Variants in NAALADL2 observed in about 807,000 individuals in gnomAD.
The protein encoded by NAALADL2 is inactive N-acetylated-alpha-linked acidic dipeptidase-like protein 2.
In NAALADL2, 76 loss-of-function variants were observed where a neutral mutation model predicts 87.2. The observed-to-expected ratio is 0.87, with a 90% CI of 0.72 to 1.05. The LOEUF (loss-of-function observed/expected upper bound fraction) is 1.05. Ranked by LOEUF, NAALADL2 falls within the 50% of genes least tolerant of loss-of-function variation. NAALADL2 has a pLI of 0.00. For missense variants in NAALADL2, 1,089 were observed against 945.8 expected (o/e 1.15, Z -1.99); for synonymous variants, 354 against 331.0 (o/e 1.07, Z -0.75).
At chr3:174,883,115 A>C (rs889765998) in intron 1 of NAALADL2, among the ~76,000 whole-genome samples, 1 of 152,016 alleles carries the variant, frequency 6.6e-6, no homozygotes, top group Admixed American at 6.6e-5. Context: ...AGACCAGTGT[A>C]TCTTTTCACA....
intron 2 of NAALADL2, among the ~76,000 whole-genome samples, chr3:174,566,428 G>A (rs1193889472): frequency 6.6e-6 from 1 of 151,720 alleles, no homozygotes; most frequent in Admixed American, 6.6e-5. Flanking sequence ...TTTCCTCTAA[G>A]CTGCTTTTCA....
At chr3:174,869,477 A>G (rs1727536329) in intron 1 of NAALADL2, among the ~76,000 whole-genome samples, 1 of 152,220 alleles carries the variant, frequency 6.6e-6, no homozygotes, top group Non-Finnish European at 1.5e-5. Context: ...TTTAAAGAGC[A>G]GAAATGCAGA....
chr3:174,745,704 C>A (rs972914136), intron 3 of NAALADL2, among the ~76,000 whole-genome samples: 2 of 152,118 alleles, frequency 1.3e-5, no homozygotes, highest in African/African-American at 4.8e-5. Flanking sequence ...AAAATATGAG[C>A]AAACCGAATC....
rs139924457 is a variant in NAALADL2, at chr3:174,796,871, T to G, written c.-9+59125T>G. ...GTTGTTTTTGAGTTGTTTGTATTCCTTGTAAATTCTGGATATTTTCTCCTA... is the reference window on the plus strand; with the variant it reads ...GTTGTTTTTGAGTTGTTTGTATTCCGTGTAAATTCTGGATATTTTCTCCTA... On this transcript the variant is annotated intron_variant, in intron 3 of 3. Transcript: ENST00000434257. Among the ~76,000 whole-genome samples, 393 of 152,076 alleles carry G rather than the reference T, an allele frequency of 2.6e-3. 2 individuals are homozygous for G. The highest frequency in any genetic ancestry group is 9.1e-3 in the African/African-American group (378 of 41,514).
chr3:174,904,184 A>G (rs761859582), intron 1 of NAALADL2, among the ~76,000 whole-genome samples: 6 of 151,800 alleles, frequency 4.0e-5, no homozygotes, highest in Non-Finnish European at 8.8e-5. Context: ...TAAGGGGCCA[A>G]TCTGTGTCTT....
At chr3:175,683,982 T>G (rs367929882) in intron 11 of NAALADL2, among the ~76,000 whole-genome samples, 19 of 152,166 alleles carry the variant, frequency 1.2e-4, no homozygotes, top group Admixed American at 7.9e-4. Flanking sequence ...GATGTAAGTT[T>G]ATTACTGTTT....
intron 4 of NAALADL2, among the ~76,000 whole-genome samples, chr3:175,318,420 C>T (rs977116456): frequency 6.6e-6 from 1 of 151,942 alleles, no homozygotes; most frequent in Non-Finnish European, 1.5e-5. Flanking sequence ...TCATGAATTA[C>T]TTTAGTAATA....
intron 2 of NAALADL2, 88 bp downstream of exon 2, chr3:175,097,379 T>C: frequency 8.2e-7 from 1 of 1,224,906 alleles, no homozygotes; most frequent in Non-Finnish European, 1.1e-6. Context: ...TTTTTCATGG[T>C]TCACGTCAGT....
At chr3:174,503,707 G>T (rs577613076) in intron 1 of NAALADL2, among the ~76,000 whole-genome samples, 1 of 151,986 alleles carries the variant, frequency 6.6e-6, no homozygotes, top group Non-Finnish European at 1.5e-5. Context: ...TAGAACAAAG[G>T]AAATGATCTG....
intron 3 of NAALADL2, among the ~76,000 whole-genome samples, chr3:174,842,586 G>A (rs1724149209): frequency 6.6e-6 from 1 of 152,182 alleles, no homozygotes; most frequent in Non-Finnish European, 1.5e-5. Flanking sequence ...CTAATTACAA[G>A]ATTGTATTTA....
At chr3:175,365,586 A>G (rs1400701217) in intron 5 of NAALADL2, among the ~76,000 whole-genome samples, 1 of 147,438 alleles carries the variant, frequency 6.8e-6, no homozygotes, top group Non-Finnish European at 1.5e-5. Flanking sequence ...TGATTCCACG[A>G]AGGCAAAATA....
chr3:175,426,782 C>T (rs971917040), intron 5 of NAALADL2, among the ~76,000 whole-genome samples: 1 of 152,098 alleles, frequency 6.6e-6, no homozygotes, highest in African/African-American at 2.4e-5. Context: ...ATCTCGTTTG[C>T]TATTTTAAAA....
chr3:174,958,297 A>G (rs1741447687), intron 1 of NAALADL2, among the ~76,000 whole-genome samples: 1 of 151,808 alleles, frequency 6.6e-6, no homozygotes, highest in Non-Finnish European at 1.5e-5. Context: ...GCATGCTTAG[A>G]CTATATTAGA....
At chr3:175,169,593 C>T (rs1734494506) in intron 2 of NAALADL2, among the ~76,000 whole-genome samples, 1 of 151,636 alleles carries the variant, frequency 6.6e-6, no homozygotes, top group South Asian at 2.1e-4. Flanking sequence ...GTGATATTCT[C>T]ATTTTGTAGT....
chr3:174,564,753 A>C (rs1254601822), intron 2 of NAALADL2, among the ~76,000 whole-genome samples: 2 of 152,016 alleles, frequency 1.3e-5, no homozygotes, highest in Non-Finnish European at 2.9e-5. Context: ...TTGTCCTTCT[A>C]ATCTCTAGTA....
chr3:174,863,005 G>A (rs967673123), intron 1 of NAALADL2, among the ~76,000 whole-genome samples: 10 of 152,054 alleles, frequency 6.6e-5, no homozygotes, highest in Non-Finnish European at 1.2e-4. Context: ...ACCAGCAGGA[G>A]ATAACTCTTC....
intron 5 of NAALADL2, among the ~76,000 whole-genome samples, chr3:175,398,344 C>CTTTT (rs776575751): frequency 0.015 from 1,634 of 111,876 alleles, 43 homozygotes; most frequent in African/African-American, 0.053. Flanking sequence ...GCTTCTGCTA[C>CTTTT]TTTTTTTTTT....
chr3:175,319,622 C>A (rs1363068926), intron 4 of NAALADL2, among the ~76,000 whole-genome samples: 2 of 152,080 alleles, frequency 1.3e-5, no homozygotes, highest in African/African-American at 4.8e-5. Context: ...GAATTTGAGA[C>A]CAGCTTGGCC....
chr3:174,715,352 AT>A (rs1385102693), intron 2 of NAALADL2, among the ~76,000 whole-genome samples: 71 of 152,276 alleles, frequency 4.7e-4, no homozygotes, highest in African/African-American at 1.7e-3. Flanking sequence ...TATGTTAATT[AT>A]TTGTGCTTCC....
Sources: allele counts gnomAD v4.1 joint callset (sites outside exome capture counted in the v4.1 genomes callset), GRCh38; gene constraint gnomAD v4.1.1; transcripts MANE v1.5; gene names NCBI Gene and HGNC (gene_info 2026-07-23, HGNC 2026-07-21).